CYTH1: variants seen among roughly 807,000 people sequenced by gnomAD.
CYTH1 encodes the protein cytohesin-1.
CYTH1 carries 18 observed loss-of-function variants against 61.8 expected under a neutral mutation model. That is an observed-to-expected ratio of 0.29 (90% CI 0.20 to 0.43). The LOEUF (loss-of-function observed/expected upper bound fraction) is 0.43. CYTH1 is among the 20% of genes least tolerant of loss of function. The pLI is 1.00. For missense variants in CYTH1, 336 were observed against 510.5 expected (o/e 0.66, Z 3.29); for synonymous variants, 174 against 184.3 (o/e 0.94, Z 0.45).
chr17:78,741,326 G>T (rs1415723382), intron 1 of CYTH1, among the ~76,000 whole-genome samples: 1 of 152,044 alleles, frequency 6.6e-6, no homozygotes, highest in Non-Finnish European at 1.5e-5. Flanking sequence ...CTTGAAGCCA[G>T]GAGTTCAAGA....
intron 3 of CYTH1, among the ~76,000 whole-genome samples, chr17:78,706,264 G>A (rs976002691): frequency 1.3e-5 from 2 of 152,108 alleles, no homozygotes; most frequent in Non-Finnish European, 2.9e-5. Context: ...ATCCCTGTAA[G>A]TTCCCTATGG....
intron 1 of CYTH1, among the ~76,000 whole-genome samples, chr17:78,714,707 G>T (rs2093166549): frequency 6.6e-6 from 1 of 152,090 alleles, no homozygotes; most frequent in African/African-American, 2.4e-5. Context: ...AAGCCTCCCT[G>T]CCCACAAGGC....
intron 1 of CYTH1, among the ~76,000 whole-genome samples, chr17:78,738,964 T>G (rs557107166): frequency 4.6e-5 from 7 of 152,380 alleles, no homozygotes; most frequent in African/African-American, 1.7e-4. Flanking sequence ...GCCACGTCCC[T>G]GATGGGACCA....
At chr17:78,703,304 C>G (rs934696382) in intron 3 of CYTH1, among the ~76,000 whole-genome samples, 1 of 146,356 alleles carries the variant, frequency 6.8e-6, no homozygotes, top group East Asian at 2.1e-4. Context: ...CCCAGCTACT[C>G]GGGAGGCTGA....
chr17:78,692,588 T>TG (rs2092899749), intron 10 of CYTH1, 95 bp from the exon 11 acceptor site: 1 of 1,179,534 alleles, frequency 8.5e-7, no homozygotes, highest in African/African-American at 1.5e-5. Flanking sequence ...CAGAGAGGGT[T>TG]GGGGGAGAGG....
intron 1 of CYTH1, among the ~76,000 whole-genome samples, chr17:78,760,561 A>G (rs1370894736): frequency 1.5e-4 from 5 of 33,792 alleles, no homozygotes; most frequent in South Asian, 1.3e-3. Context: ...ATATATGTAT[A>G]TATATATACA....
At chr17:78,759,988 T>C (rs2093415665) in intron 1 of CYTH1, among the ~76,000 whole-genome samples, 1 of 152,194 alleles carries the variant, frequency 6.6e-6, no homozygotes, top group African/African-American at 2.4e-5. Context: ...TGTACGTATT[T>C]ATTCATTCAC....
Position 78,761,542 on chromosome 17 carries a change from G to T in CYTH1, c.22+20660C>A, listed in dbSNP as rs372728067. Among the ~76,000 whole-genome samples, 537 of 152,258 alleles carry T rather than the reference G, an allele frequency of 3.5e-3. 1 individual carries two copies. Among genetic ancestry groups the T allele is most frequent in the Middle Eastern group, 0.017 (5 of 294 alleles). On this transcript the variant is annotated intron_variant, in intron 1 of 13. Transcript: ENST00000446868. ...TCACGAGATCAGGAGATCCAGACCA[G>T]CCTGGCTAACACGGTGAAACCCCGT...
At chr17:78,760,774 G>C (rs969374332) in intron 1 of CYTH1, among the ~76,000 whole-genome samples, 7 of 151,530 alleles carry the variant, frequency 4.6e-5, no homozygotes, top group African/African-American at 1.5e-4. Flanking sequence ...CAGGTATCAA[G>C]TAAGTCTGAT....
intron 1 of CYTH1, among the ~76,000 whole-genome samples, chr17:78,774,269 G>A (rs946096326): frequency 3.9e-5 from 6 of 152,182 alleles, no homozygotes; most frequent in African/African-American, 1.2e-4. Flanking sequence ...CACAAAGTGT[G>A]TATAATTATG....
intron 1 of CYTH1, among the ~76,000 whole-genome samples, chr17:78,780,178 G>A (rs913757341): frequency 9.2e-5 from 14 of 152,184 alleles, no homozygotes; most frequent in African/African-American, 2.9e-4. Context: ...AATCTGGAGG[G>A]GCTGAACAAT....
intron 11 of CYTH1, among the ~76,000 whole-genome samples, chr17:78,689,593 T>C (rs1267532839): frequency 6.6e-6 from 1 of 152,188 alleles, no homozygotes; most frequent in African/African-American, 2.4e-5. Flanking sequence ...CCTCCCGCTG[T>C]GTGGCCTGGC....
At position 78,770,547 on chromosome 17, in the gene CYTH1, T is replaced by G. The variant is rs562974020; in HGVS notation, c.22+11655A>C. 5.1e-3 allele frequency among the ~76,000 whole-genome samples: 776 copies of G among 151,972 alleles called. 8 individuals are homozygous for G. Among genetic ancestry groups the G allele is most frequent in the African/African-American group, 0.018 (733 of 41,478 alleles). On this transcript the variant is annotated intron_variant, in intron 1 of 13. Coordinates refer to ENST00000446868, the MANE Select transcript of CYTH1 (RefSeq NM_004762.6). ...GATTCTCCTTGTTCAGCCTCCCAAG[T>G]AGCTGGGACTACAGGCGTGCGCCAT...
intron 6 of CYTH1, among the ~76,000 whole-genome samples, 176 bp downstream of exon 6, chr17:78,701,495 T>C (rs140661108): frequency 2.6e-5 from 4 of 152,222 alleles, no homozygotes; most frequent in African/African-American, 4.8e-5. Context: ...TGAATTCCCC[T>C]TGACCATCCA....
At chr17:78,676,991 T>C in intron 13 of CYTH1, 1 of 456,064 alleles carries the variant, frequency 2.2e-6, no homozygotes. Context: ...GGCAGGGCAC[T>C]CACCCCTGCT....
At chr17:78,721,269 G>T (rs1317001592) in intron 1 of CYTH1, among the ~76,000 whole-genome samples, 2 of 152,156 alleles carry the variant, frequency 1.3e-5, no homozygotes, top group Admixed American at 6.5e-5. Context: ...GACAGAGGTT[G>T]CAGTGAGCCG....
At chr17:78,765,575 T>A (rs1371449549) in intron 1 of CYTH1, among the ~76,000 whole-genome samples, 1 of 152,104 alleles carries the variant, frequency 6.6e-6, no homozygotes, top group Non-Finnish European at 1.5e-5. Context: ...AGGGTTTCAA[T>A]GCCAAGCAAA....
At chr17:78,699,177 C>G (rs1398448562) in intron 7 of CYTH1, among the ~76,000 whole-genome samples, 1 of 152,040 alleles carries the variant, frequency 6.6e-6, no homozygotes, top group Non-Finnish European at 1.5e-5. Context: ...CTAGCCTGAC[C>G]CACATGGTGA....
chr17:78,723,100 C>T (rs2093242775), intron 1 of CYTH1: 1 of 152,608 alleles, frequency 6.6e-6, no homozygotes, highest in Non-Finnish European at 1.5e-5. Flanking sequence ...GAGAGACAGC[C>T]ACGCACACAT....
Sources: allele counts gnomAD v4.1 joint callset (sites outside exome capture counted in the v4.1 genomes callset), GRCh38; gene constraint gnomAD v4.1.1; transcripts MANE v1.5; gene names NCBI Gene and HGNC (gene_info 2026-07-23, HGNC 2026-07-21).